The following TRPV4 variants were observed in gnomAD, a reference collection of about 807,000 sequenced individuals.
The protein encoded by TRPV4 is OSM9-like transient receptor potential channel 4.
TRPV4 carries 58 observed loss-of-function variants against 84.1 expected under a neutral mutation model. The ratio of observed to expected loss-of-function variants is 0.69; its 90% CI spans 0.56 to 0.86. The LOEUF is 0.86. Ranked by LOEUF, TRPV4 falls within the 40% of genes least tolerant of loss-of-function variation. The probability of loss-of-function intolerance (pLI) is 0.00; values close to 1 mark genes in which losing one functional copy is unlikely to be tolerated. For missense variants in TRPV4, 879 were observed against 1,181.1 expected, an observed-to-expected ratio of 0.74 and a Z score of 3.75; for synonymous variants, 489 against 500.9, an observed-to-expected ratio of 0.98 and a Z score of 0.32.
At chr12:109,794,137 C>G in intron 8 of TRPV4, 115 bp from the exon 9 acceptor site, 1 of 1,142,620 alleles carries the variant, frequency 8.8e-7, no homozygotes, top group South Asian at 1.3e-5. Context: ...TCCTCCTTCA[C>G]TCTCTTCCTC....
At chr12:109,831,547 C>T (rs565200039) in intron 1 of TRPV4, among the ~76,000 whole-genome samples, 55 of 152,398 alleles carry the variant, frequency 3.6e-4, no homozygotes, top group African/African-American at 1.3e-3. Context: ...CTCCAGTGCC[C>T]AGCCCAGAGC....
chr12:109,802,622 T>A (rs1386819444), intron 4 of TRPV4, among the ~76,000 whole-genome samples: 1 of 150,596 alleles, frequency 6.6e-6, no homozygotes, highest in Non-Finnish European at 1.5e-5. Context: ...TTATTTTTTT[T>A]TTTTTGTATC....
chr12:109,823,628 G>A (rs1006664737), intron 1 of TRPV4, among the ~76,000 whole-genome samples: 1 of 152,222 alleles, frequency 6.6e-6, no homozygotes, highest in African/African-American at 2.4e-5. Context: ...ACAGAAAGCA[G>A]ATTAGTTGTT....
In TRPV4 at chr12:109,813,297, C is replaced by G. The variant is rs11833899; in HGVS notation, c.386+1114G>C. The stretch of plus-strand genomic sequence containing the variant: ...GTGTGGTGGCGGGTGCCTGTAATCC[C>G]GCTACTCGGGAGGCTGAGACTGGAG... On this transcript the variant is annotated intron_variant, in intron 2 of 15. Transcript: ENST00000261740. 3.2e-3 allele frequency among the ~76,000 whole-genome samples: 488 copies of G among 151,958 alleles called. 1 individual carries two copies. The highest frequency in any genetic ancestry group is 0.011 in the African/African-American group (472 of 41,460).
chr12:109,788,606 T>C lies in TRPV4; in HGVS notation c.2002A>G (p.Thr668Ala). Residue 668 changes from threonine to alanine, a missense_variant, in exon 13 of 16, where the codon ACC becomes GCC. Thr to Ala is a moderately conservative substitution (Grantham distance 58). Coordinates refer to ENST00000261740, the MANE Select transcript of TRPV4 (RefSeq NM_021625.5). ...PSCRDSETFSTFLLDLFKLTI... is the reference protein window; with the variant it reads ...PSCRDSETFSAFLLDLFKLTI... ...AGCTTAAACAGGTCCAGGAGGAAGG[T>C]GCTGAAGGTCTCGCTGTCACGGCAC... is the stretch of plus-strand genomic sequence containing the variant. 2 of 1,614,194 alleles carry C rather than the reference T, an allele frequency of 1.2e-6. No homozygotes were observed. Among genetic ancestry groups the C allele is most frequent in the Non-Finnish European group, 8.5e-7 (1 of 1,180,028 alleles).
Position 109,783,468 on chromosome 12 carries a change from G to A in TRPV4, c.*153C>T. The A allele has an allele frequency of 9.5e-7, 1 of 1,052,666 alleles. No individual in the cohort carries two copies. The highest frequency in any genetic ancestry group is 1.3e-6 in the Non-Finnish European group (1 of 752,020). The allele number at this position is 1,052,666 out of a possible 1,614,324, so 65.2% of individuals were successfully genotyped here. ...CCCAGGGTGGGGAGGCAGAGCCAGG[G>A]GACCACAGGGTCCTGGGGCCTCCCT... On this transcript the variant is annotated 3_prime_UTR_variant, in exon 16 of 16. Coordinates refer to ENST00000261740, the MANE Select transcript of TRPV4 (RefSeq NM_021625.5). The surrounding 1 kb of genome is among the most constrained non-coding windows in gnomAD (Gnocchi z 4.6).
chr12:109,808,608 AG>A, intron 2 of TRPV4, 140 bp from the exon 3 acceptor site: 2 of 749,412 alleles, frequency 2.7e-6, no homozygotes. Context: ...TAGTTGGGGC[AG>A]ATGTAAAAAC....
At chr12:109,811,854 GAC>G (rs1321860286) in intron 2 of TRPV4, among the ~76,000 whole-genome samples, 2 of 150,590 alleles carry the variant, frequency 1.3e-5, no homozygotes, top group Admixed American at 6.6e-5. Context: ...CATCCTCCAG[GAC>G]ACACACACAG....
intron 3 of TRPV4, 146 bp downstream of exon 3, chr12:109,808,150 G>A: frequency 1.2e-6 from 1 of 857,846 alleles, no homozygotes; most frequent in Non-Finnish European, 1.9e-6. Flanking sequence ...GGACACACAG[G>A]ACCAGACTCC....
At chr12:109,805,879 G>C (rs1217850852) in intron 3 of TRPV4, among the ~76,000 whole-genome samples, 1 of 152,328 alleles carries the variant, frequency 6.6e-6, no homozygotes, top group Middle Eastern at 3.4e-3. Context: ...ACTCAGTCCT[G>C]AATTCAGAAG....
intron 1 of TRPV4, among the ~76,000 whole-genome samples, chr12:109,816,844 T>A (rs1891874031): frequency 6.6e-6 from 1 of 152,056 alleles, no homozygotes. Context: ...GTAAATAGAG[T>A]GGGACTTTCA....
At chr12:109,806,234 G>A (rs947569416) in intron 3 of TRPV4, among the ~76,000 whole-genome samples, 8 of 150,532 alleles carry the variant, frequency 5.3e-5, no homozygotes, top group Admixed American at 4.0e-4. Context: ...TCGCTCTTTC[G>A]CCCAGGCTGG....
chr12:109,830,587 C>T (rs1408668684), intron 1 of TRPV4, among the ~76,000 whole-genome samples: 4 of 152,166 alleles, frequency 2.6e-5, no homozygotes, highest in Non-Finnish European at 2.9e-5. Flanking sequence ...GGCCCACTGG[C>T]ATGAAATAAA....
intron 12 of TRPV4, among the ~76,000 whole-genome samples, 185 bp downstream of exon 12, chr12:109,792,178 G>C (rs1890083731): frequency 1.3e-5 from 2 of 150,844 alleles, no homozygotes; most frequent in African/African-American, 4.9e-5. Flanking sequence ...GGGAGGTGGA[G>C]GTTACAGTGA....
In TRPV4 at chr12:109,793,901, GGT is replaced by G; in HGVS notation, c.1584+27_1584+28del. The G allele has an allele frequency of 6.5e-7, 1 of 1,537,654 alleles. No homozygotes were observed. Among genetic ancestry groups the G allele is most frequent in the Non-Finnish European group, 8.9e-7 (1 of 1,119,210 alleles). ...AGGAAGAGAAGAGGAGGGCAGGCAG[GGT>G]GGGGGGCACGGGGGCCAGGCACTTA... is the stretch of plus-strand genomic sequence containing the variant. On this transcript the variant is annotated intron_variant, in intron 9 of 15. Transcript: ENST00000261740. This position sits in a 1 kb window ranked among gnomAD's most constrained non-coding sequence, Gnocchi z 4.0.
At chr12:109,803,175 G>T (rs756404716) in intron 3 of TRPV4, 32 bp from the exon 4 acceptor site, 19 of 1,612,120 alleles carry the variant, frequency 1.2e-5, no homozygotes, top group Non-Finnish European at 1.7e-6. Context: ...ATGACGCAGT[G>T]CTCCAGCCCA....
chr12:109,818,226 G>A (rs1861808), intron 1 of TRPV4, among the ~76,000 whole-genome samples: 5 of 152,116 alleles, frequency 3.3e-5, no homozygotes, highest in Admixed American at 2.0e-4. Flanking sequence ...AGAGGGGGAA[G>A]GCCTCCCCAC....
At position 109,806,416 on chromosome 12, in the gene TRPV4, G is replaced by A. The variant is rs146999169; in HGVS notation, c.559+1880C>T. ...GACAGGTTTTTACCATGTTGGCAAG[G>A]CTGGTCTCAAACTCCTGACCTTAGG... On this transcript the variant is annotated intron_variant, in intron 3 of 15. Transcript: ENST00000261740. Among the ~76,000 whole-genome samples the A allele has an allele frequency of 1.0e-3, 156 of 149,166 alleles. 2 individuals are homozygous for A. In the East Asian group the frequency reaches 0.03, roughly 29 times the overall value.
intron 1 of TRPV4, among the ~76,000 whole-genome samples, chr12:109,829,807 CCA>C (rs1296652568): frequency 1.3e-5 from 2 of 152,222 alleles, no homozygotes; most frequent in Non-Finnish European, 2.9e-5. Context: ...CAGTTTAAGC[CCA>C]GGCCTGTCTG....
Sources: allele counts gnomAD v4.1 joint callset (sites outside exome capture counted in the v4.1 genomes callset), GRCh38; gene constraint gnomAD v4.1.1; non-coding constraint Gnocchi (gnomAD v3.1); transcripts MANE v1.5; gene names NCBI Gene and HGNC (gene_info 2026-07-23, HGNC 2026-07-21).